The following RAB11FIP1 variants were observed in gnomAD, a reference collection of about 807,000 sequenced individuals.
The protein encoded by RAB11FIP1 is RAB11 family interacting protein 1, also known as rab11 family-interacting protein 1.
Under a neutral mutation model 83.1 loss-of-function variants are expected in RAB11FIP1, and 49 were observed. The ratio of observed to expected loss-of-function variants is 0.59; its 90% CI spans 0.47 to 0.75. The LOEUF is 0.75. Among genes scored for constraint, RAB11FIP1 ranks in the 30% least tolerant of loss-of-function variants. The probability of loss-of-function intolerance (pLI) is 0.00; values close to 1 mark genes in which losing one functional copy is unlikely to be tolerated. For synonymous variants in RAB11FIP1, 670 were observed against 656.0 expected (o/e 1.02, Z -0.33); for missense variants, 1,536 against 1,598.7 (o/e 0.96, Z 0.67).
intron 2 of RAB11FIP1, among the ~76,000 whole-genome samples, chr8:37,876,266 A>G (rs550829647): frequency 2.0e-4 from 26 of 127,640 alleles, no homozygotes; most frequent in South Asian, 7.7e-4. Context: ...AGGAAGGAAG[A>G]AAGAAGGAAA....
At position 37,859,405 on chromosome 8, in the gene RAB11FIP1, C is replaced by G. The variant is rs1295292105; in HGVS notation, c.*3490G>C. On this transcript the variant is annotated 3_prime_UTR_variant, in exon 6 of 6. Coordinates refer to ENST00000330843, the MANE Select transcript of RAB11FIP1 (RefSeq NM_001002814.3). ...GTTAGCAAAACTGAGAAGCACATGCCTGTGTCTTCTTCATACCGGCATGTG... is the reference window on the plus strand; with the variant it reads ...GTTAGCAAAACTGAGAAGCACATGCGTGTGTCTTCTTCATACCGGCATGTG... The G allele has an allele frequency of 6.6e-6, 1 of 152,242 alleles. No homozygotes were observed. The highest frequency in any genetic ancestry group is 1.5e-5 in the Non-Finnish European group (1 of 68,092). 9.4% of individuals were successfully genotyped at this position (152,242 alleles called of 1,614,324 possible).
chr8:37,889,976 G>A (rs1277993281), intron 1 of RAB11FIP1, among the ~76,000 whole-genome samples: 1 of 152,066 alleles, frequency 6.6e-6, no homozygotes, highest in Non-Finnish European at 1.5e-5. Context: ...GTAGAAACAA[G>A]GTTTCACCAT....
Position 37,861,469 on chromosome 8 carries a change from C to T in RAB11FIP1, c.*1426G>A. ...GCAGGGAGAGAAAGTGTTCAAAGGACAGACATGCAGATGCAGTTCAATCCC... is the reference window on the plus strand; with the variant it reads ...GCAGGGAGAGAAAGTGTTCAAAGGATAGACATGCAGATGCAGTTCAATCCC... On this transcript the variant is annotated 3_prime_UTR_variant, in exon 6 of 6. Coordinates refer to ENST00000330843, the MANE Select transcript of RAB11FIP1 (RefSeq NM_001002814.3). The T allele has an allele frequency of 5.0e-6, 2 of 403,176 alleles. No individual in the cohort carries two copies. Among genetic ancestry groups the T allele is most frequent in the East Asian group, 1.5e-4 (2 of 13,070 alleles). The allele number at this position is 403,176 out of a possible 1,614,324, so 25.0% of individuals were successfully genotyped here.
At position 37,872,481 on chromosome 8, in the gene RAB11FIP1, G is replaced by A; in HGVS notation, c.2321C>T (p.Pro774Leu). The part of the protein sequence containing the change: ...ARDAAEEVAP[P>L]LPMGASVPSI... ...AGGGACTGATGCTCCCATGGGAAGA[G>A]GGGGCGCCACTTCTTCAGCTGCATC... Residue 774 changes from proline to leucine, a missense_variant, in exon 4 of 6, where the codon CCT (proline) becomes CTT (leucine). Physicochemically the swap from Pro to Leu is moderately conservative, Grantham distance 98. Coordinates refer to ENST00000330843, the MANE Select transcript of RAB11FIP1 (RefSeq NM_001002814.3). 1 of 1,614,192 alleles carries A rather than the reference G, an allele frequency of 6.2e-7. No individual in the cohort carries two copies. Among genetic ancestry groups the A allele is most frequent in the South Asian group, 1.1e-5 (1 of 91,088 alleles).
chr8:37,870,832 A>G (rs1806437817), intron 4 of RAB11FIP1: 3 of 319,768 alleles, frequency 9.4e-6, no homozygotes, highest in African/African-American at 2.1e-5. Context: ...TTTTAAGTCA[A>G]CTAGAGCCTA....
intron 1 of RAB11FIP1, among the ~76,000 whole-genome samples, chr8:37,880,716 A>G (rs2130169427): frequency 6.7e-6 from 1 of 149,698 alleles, no homozygotes; most frequent in African/African-American, 2.5e-5. Context: ...AAGAGCTATG[A>G]TTGCACCACT....
intron 1 of RAB11FIP1, 166 bp from the exon 2 acceptor site, chr8:37,877,717 T>TC: frequency 1.9e-6 from 1 of 520,098 alleles, no homozygotes; most frequent in Non-Finnish European, 3.3e-6. Flanking sequence ...AATTTTTTTT[T>TC]TTTTTTTTTT....
At chr8:37,868,957 C>G (rs1188261118) in intron 5 of RAB11FIP1, among the ~76,000 whole-genome samples, 2 of 152,138 alleles carry the variant, frequency 1.3e-5, no homozygotes, top group African/African-American at 2.4e-5. Context: ...GGCTGTGCAT[C>G]TTGCCTCACA....
chr8:37,874,495 C>A lies in RAB11FIP1; in HGVS notation c.1622+20G>T, dbSNP rs141753048. 2.5e-6 allele frequency: 4 copies of A among 1,604,732 alleles called. No individual in the cohort carries two copies. In the African/African-American group the frequency reaches 5.4e-5, roughly 21 times the overall value. On this transcript the variant is annotated intron_variant, in intron 3 of 5. Transcript: ENST00000330843. ...AATGGCAAGGCAGAAATGCCCTGCA[C>A]GAGAAGAGCCAAAACTCACCGGGGC...
In RAB11FIP1 at chr8:37,877,462, G is replaced by C. The variant is rs201043376; in HGVS notation, c.461C>G (p.Thr154Ser). 1.4e-5 allele frequency: 23 copies of C among 1,612,726 alleles called. No individual in the cohort carries two copies. In the African/African-American group the frequency reaches 3.1e-4, roughly 22 times the overall value. Residue 154 changes from threonine (T) to serine (S), a missense_variant, in exon 2 of 6, where the codon ACT (threonine) becomes AGT (serine). Thr to Ser is a moderately conservative substitution (Grantham distance 58). Transcript: ENST00000330843. Reference sequence around the variant, plus strand: ...CATAGAAAGGTCAAACATGCTGGCAGTCATGTTGTTTCTCATAAACTGGAT... The same window carrying C: ...CATAGAAAGGTCAAACATGCTGGCACTCATGTTGTTTCTCATAAACTGGAT... ...VDIQFMRNNMTASMFDLSMKD... is the reference protein window; with the variant it reads ...VDIQFMRNNMSASMFDLSMKD...
Position 37,861,227 on chromosome 8 carries a change from A to G in RAB11FIP1, c.*1668T>C, listed in dbSNP as rs1806226300. 2 of 153,186 alleles carry G rather than the reference A, an allele frequency of 1.3e-5. No individual in the cohort carries two copies. The highest frequency in any genetic ancestry group is 1.5e-5 in the Non-Finnish European group (1 of 68,712). The allele number at this position is 153,186 out of a possible 1,614,324, so 9.5% of individuals were successfully genotyped here. On this transcript the variant is annotated 3_prime_UTR_variant, in exon 6 of 6. Coordinates refer to ENST00000330843, the MANE Select transcript of RAB11FIP1 (RefSeq NM_001002814.3). ...AGTCTATAAATCTAGTTTTAAAAAT[A>G]CAAATTCAAAAATAAGTATCATCTT...
chr8:37,865,099 CT>C (rs1563364773), intron 5 of RAB11FIP1, among the ~76,000 whole-genome samples: 2 of 151,808 alleles, frequency 1.3e-5, no homozygotes, highest in African/African-American at 4.8e-5. Flanking sequence ...AAAGAGTCAC[CT>C]TTGTAAATAA....
At chr8:37,865,055 C>A (rs1342434309) in intron 5 of RAB11FIP1, among the ~76,000 whole-genome samples, 1 of 151,992 alleles carries the variant, frequency 6.6e-6, no homozygotes, top group Non-Finnish European at 1.5e-5. Context: ...AGGCATGAGC[C>A]ACCACACCCA....
At position 37,878,482 on chromosome 8, in the gene RAB11FIP1, C is replaced by T. The variant is rs551085154; in HGVS notation, c.372-931G>A. Among the ~76,000 whole-genome samples the T allele has an allele frequency of 1.1e-4, 15 of 140,662 alleles. No homozygotes were observed. The East Asian group carries it at 2.7e-3, about 25-fold the overall frequency. The allele number at this position is 140,662 out of a possible 152,430, so 92.3% of individuals were successfully genotyped here. A position where few individuals can be genotyped will look rare whatever the true frequency, so the allele number is the denominator to read the frequency against. ...CCAGGAGGCAGACGTTGCAGTGAGC[C>T]GAGATCGCACCACTGCACTCCAGCC... On this transcript the variant is annotated intron_variant, in intron 1 of 5. Coordinates refer to ENST00000330843, the MANE Select transcript of RAB11FIP1 (RefSeq NM_001002814.3).
rs142300740 is a variant in RAB11FIP1 at position 37,899,024 on chromosome 8, G to A, written c.371+47C>T. ...CAGCGCCCAGACCGCCCTGCCGGAG[G>A]GGTCCGCGCCCCCAGGCCGGGCCCT... is the stretch of plus-strand genomic sequence containing the variant. On this transcript the variant is annotated intron_variant, in intron 1 of 5. Coordinates refer to ENST00000330843, the MANE Select transcript of RAB11FIP1 (RefSeq NM_001002814.3). This position sits in a 1 kb window ranked among gnomAD's most constrained non-coding sequence, Gnocchi z 4.5. 5,953 of 1,418,376 alleles carry A rather than the reference G, an allele frequency of 4.2e-3. 21 individuals carry two copies. Among genetic ancestry groups the A allele is most frequent in the Non-Finnish European group, 4.7e-3 (5,131 of 1,095,966 alleles). The allele number at this position is 1,418,376 out of a possible 1,614,324, so 87.9% of individuals were successfully genotyped here. A position where few individuals can be genotyped will look rare whatever the true frequency, so the allele number is the denominator to read the frequency against.
chr8:37,872,001 A>G lies in RAB11FIP1; in HGVS notation c.2801T>C (p.Leu934Ser). Residue 934 changes from leucine to serine, a missense_variant, in exon 4 of 6, where the codon TTG becomes TCG. Physicochemically the swap from Leu to Ser is moderately radical, Grantham distance 145. Transcript: ENST00000330843. The stretch of plus-strand genomic sequence containing the variant: ...CTGAAGGTCACTCAAGGGGTCAGAC[A>G]ATAAACCTTCGTGGTCACTGGCTTT... ...QSKASDHEGLLSDPLSDLQLV... is the reference protein window; with the variant it reads ...QSKASDHEGLSSDPLSDLQLV... 6.2e-7 allele frequency: 1 copy of G among 1,614,210 alleles called. No homozygotes were observed. The highest frequency in any genetic ancestry group is 1.6e-4 in the Middle Eastern group (1 of 6,062).
chr8:37,870,475 C>G lies in RAB11FIP1; in HGVS notation c.3578G>C (p.Ser1193Thr). The change falls in exon 5 of 6, where the codon AGC becomes ACC. Residue 1193 changes from serine to threonine, a missense_variant. By Grantham distance (58) the Ser-to-Thr change is moderately conservative. Transcript: ENST00000330843. Reference protein sequence around the residue: ...NAMATKVANCSLGTATIISEN... With the variant: ...NAMATKVANCTLGTATIISEN... The stretch of plus-strand genomic sequence containing the variant: ...ACTGATGATGGTGGCAGTTCCCAAG[C>G]TGCAGTTAGCAACCTTGGTGGCCAT... The G allele has an allele frequency of 1.9e-6, 3 of 1,611,922 alleles. No individual in the cohort carries two copies. Among genetic ancestry groups the G allele is most frequent in the Non-Finnish European group, 1.7e-6 (2 of 1,178,188 alleles).
In RAB11FIP1 at chr8:37,859,924, C is replaced by T. The variant is rs960025630; in HGVS notation, c.*2971G>A. On this transcript the variant is annotated 3_prime_UTR_variant, in exon 6 of 6. Coordinates refer to ENST00000330843, the MANE Select transcript of RAB11FIP1 (RefSeq NM_001002814.3). ...CTAAAGCTTCTCCCAGATAACCCCT[C>T]CCCCAAAACTGAGTCCTCAGGGACA... 5.9e-5 allele frequency: 9 copies of T among 152,452 alleles called. No homozygotes were observed. Among genetic ancestry groups the T allele is most frequent in the African/African-American group, 2.2e-4 (9 of 41,474 alleles). 9.4% of individuals were successfully genotyped at this position (152,452 alleles called of 1,614,324 possible).
At chr8:37,887,357 C>T (rs542911806) in intron 1 of RAB11FIP1, among the ~76,000 whole-genome samples, 1 of 151,962 alleles carries the variant, frequency 6.6e-6, no homozygotes, top group African/African-American at 2.4e-5. Flanking sequence ...ATGGTGAAAC[C>T]CTGCCTCTAC....
Sources: gnomAD v4.1 joint callset for allele counts (sites outside exome capture counted in the v4.1 genomes callset) on GRCh38, gnomAD v4.1.1 for gene constraint, Gnocchi (gnomAD v3.1) non-coding constraint, MANE v1.5 for transcripts, NCBI Gene and HGNC (gene_info 2026-07-23, HGNC 2026-07-21) for gene names.